Variants in KATNA1 observed in about 807,000 individuals in gnomAD.
KATNA1 encodes the protein katanin catalytic subunit A1.
A neutral mutation model predicts 62.6 loss-of-function variants in KATNA1; 42 were observed. That is an observed-to-expected ratio of 0.67 (90% CI 0.52 to 0.87). KATNA1 has a LOEUF of 0.87. Ranked by LOEUF, KATNA1 falls within the 40% of genes least tolerant of loss-of-function variation. The pLI, the probability that KATNA1 is intolerant of heterozygous loss-of-function variation, is 0.00. For missense variants in KATNA1, 498 were observed against 612.5 expected, an observed-to-expected ratio of 0.81 and a Z score of 1.97; for synonymous variants, 186 against 201.9, an observed-to-expected ratio of 0.92 and a Z score of 0.67.
At chr6:149,614,796 T>C (rs1364873974) in intron 4 of KATNA1, among the ~76,000 whole-genome samples, 2 of 151,916 alleles carry the variant, frequency 1.3e-5, no homozygotes, top group East Asian at 3.9e-4. Context: ...TATACAAATA[T>C]ACACAAAAGA....
intron 10 of KATNA1, 77 bp downstream of exon 10, chr6:149,596,984 GTC>G: frequency 6.9e-7 from 1 of 1,454,706 alleles, no homozygotes; most frequent in Non-Finnish European, 9.5e-7. Flanking sequence ...GCGAGACTGT[GTC>G]TCAAAAAACA....
intron 7 of KATNA1, among the ~76,000 whole-genome samples, chr6:149,599,720 G>C (rs936883700): frequency 2.0e-5 from 3 of 151,958 alleles, no homozygotes; most frequent in Non-Finnish European, 2.9e-5. Context: ...GTTTCATCAT[G>C]TTGGCCAGGC....
chr6:149,642,470 CACAAAGGAACTTGGTTTTGG>C (rs1195283090), intron 1 of KATNA1, among the ~76,000 whole-genome samples: 2 of 152,094 alleles, frequency 1.3e-5, no homozygotes, highest in African/African-American at 4.8e-5. Context: ...CACACAGATC[CACAAAGGAACTTGGTTTTGG>C]ACATTAATGA....
chr6:149,621,129 T>TC (rs1367925589), intron 4 of KATNA1, among the ~76,000 whole-genome samples: 1 of 150,946 alleles, frequency 6.6e-6, no homozygotes, highest in Non-Finnish European at 1.5e-5. Flanking sequence ...CCTTCTTTTT[T>TC]TTTTTTTTTT....
At chr6:149,597,754 G>T in intron 8 of KATNA1, 113 bp from the exon 9 acceptor site, 1 of 964,038 alleles carries the variant, frequency 1.0e-6, no homozygotes, top group East Asian at 2.4e-5. Flanking sequence ...AGGAAGCACA[G>T]TCTTAATGCC....
At chr6:149,605,140 T>C (rs1778689940) in intron 4 of KATNA1, among the ~76,000 whole-genome samples, 1 of 150,410 alleles carries the variant, frequency 6.6e-6, no homozygotes, top group Admixed American at 6.7e-5. Flanking sequence ...GCTACTGCAC[T>C]CCAGCCTGGG....
At chr6:149,607,707 T>C (rs1778796002) in intron 4 of KATNA1, among the ~76,000 whole-genome samples, 1 of 152,176 alleles carries the variant, frequency 6.6e-6, no homozygotes. Flanking sequence ...CTAGACTCCT[T>C]TTTTCATGCT....
At chr6:149,612,521 T>A (rs913032297) in intron 4 of KATNA1, among the ~76,000 whole-genome samples, 7 of 151,968 alleles carry the variant, frequency 4.6e-5, no homozygotes, top group Non-Finnish European at 7.4e-5. Flanking sequence ...AAAAAATTTT[T>A]AAAAAAGAAT....
intron 7 of KATNA1, 75 bp from the exon 8 acceptor site, chr6:149,598,425 CAG>C: frequency 6.9e-7 from 1 of 1,458,218 alleles, no homozygotes; most frequent in East Asian, 2.3e-5. Context: ...GATTAGCAAT[CAG>C]AAAATAGCTG....
At chr6:149,621,305 T>C (rs1351967750) in intron 4 of KATNA1, among the ~76,000 whole-genome samples, 1 of 150,878 alleles carries the variant, frequency 6.6e-6, no homozygotes, top group Non-Finnish European at 1.5e-5. Flanking sequence ...TTTGTATTTT[T>C]AGTAGAGACG....
At chr6:149,611,827 G>A (rs910940214) in intron 4 of KATNA1, among the ~76,000 whole-genome samples, 3 of 151,896 alleles carry the variant, frequency 2.0e-5, no homozygotes, top group Non-Finnish European at 2.9e-5. Flanking sequence ...GTGAAACCCC[G>A]TCACTGCTAA....
chr6:149,645,771 C>T (rs1340714383), intron 1 of KATNA1, among the ~76,000 whole-genome samples: 3 of 152,092 alleles, frequency 2.0e-5, no homozygotes, highest in African/African-American at 7.2e-5. Flanking sequence ...GAAATTTTAA[C>T]TCAAGTGACA....
intron 7 of KATNA1, among the ~76,000 whole-genome samples, chr6:149,600,876 C>T (rs1284582212): frequency 6.6e-6 from 1 of 151,758 alleles, no homozygotes; most frequent in Admixed American, 6.6e-5. Context: ...TGGGAGGTCA[C>T]GGATGCAGCG....
intron 3 of KATNA1, among the ~76,000 whole-genome samples, chr6:149,628,264 A>ATTTTTTTTTTT (rs554916406): frequency 7.7e-6 from 1 of 129,582 alleles, no homozygotes; most frequent in Non-Finnish European, 1.6e-5. Flanking sequence ...TGCCCGGCTA[A>ATTTTTTTTTTT]TTTTTTTTTT....
intron 4 of KATNA1, among the ~76,000 whole-genome samples, chr6:149,620,203 G>C (rs1419992908): frequency 3.9e-5 from 6 of 152,142 alleles, no homozygotes; most frequent in Non-Finnish European, 7.3e-5. Context: ...GGGAAGGTGG[G>C]TGTATCAGAC....
At chr6:149,608,943 A>G (rs1036481924) in intron 4 of KATNA1, among the ~76,000 whole-genome samples, 1 of 152,228 alleles carries the variant, frequency 6.6e-6, no homozygotes, top group Admixed American at 6.5e-5. Context: ...TCAGCTAAAC[A>G]GAAGGTTTAA....
chr6:149,596,933 A>G (rs1409371245), intron 10 of KATNA1, 130 bp downstream of exon 10: 1 of 813,454 alleles, frequency 1.2e-6, no homozygotes, highest in African/African-American at 1.7e-5. Flanking sequence ...AGGCTGCAGT[A>G]AGCTGTGACT....
rs762541385 is a variant in KATNA1, at chr6:149,595,205, C to T, written c.1307G>A (p.Arg436His). 6.2e-6 allele frequency: 10 copies of T among 1,613,954 alleles called. No individual in the cohort carries two copies. Among genetic ancestry groups the T allele is most frequent in the South Asian group, 3.3e-5 (3 of 91,072 alleles). The change falls in exon 11 of 11, where the codon CGC (arginine) becomes CAC (histidine). Residue 436 changes from arginine (R) to histidine (H), a missense_variant. Around this residue, in one of 3 missense-constraint regions of KATNA1, gnomAD observed 267 missense variants for 372.6 expected, o/e 0.72. Coordinates refer to ENST00000367411, the MANE Select transcript of KATNA1 (RefSeq NM_007044.4). ...TTCCTCTGGAGTCAAACCTTCAATG[C>T]GCCTTCTCATTGCCATCAAGGACGC... ...RDASLMAMRR[R>H]IEGLTPEEIR...
chr6:149,595,762 C>CTGTT (rs532709943), intron 10 of KATNA1, among the ~76,000 whole-genome samples: 101 of 152,196 alleles, frequency 6.6e-4, no homozygotes, highest in African/African-American at 2.4e-3. Context: ...AGCAATAGAG[C>CTGTT]TGTTTGATGT....
Sources: gnomAD v4.1 joint callset for allele counts (sites outside exome capture counted in the v4.1 genomes callset) on GRCh38, gnomAD v4.1.1 for gene constraint, gnomAD v4.1.1 regional missense constraint, MANE v1.5 for transcripts, NCBI Gene and HGNC (gene_info 2026-07-23, HGNC 2026-07-21) for gene names.